Variants in FAM135A observed in about 807,000 individuals in gnomAD.
FAM135A encodes protein FAM135A.
Under a neutral mutation model 146.8 loss-of-function variants are expected in FAM135A, and 79 were observed. The observed-to-expected ratio is 0.54, with a 90% CI of 0.45 to 0.65. FAM135A has a LOEUF of 0.65. Among genes scored for constraint, FAM135A ranks in the 30% least tolerant of loss-of-function variants. The probability of loss-of-function intolerance (pLI) is 0.00; values close to 1 mark genes in which losing one functional copy is unlikely to be tolerated. For synonymous variants in FAM135A, 562 were observed against 603.6 expected, an observed-to-expected ratio of 0.93 and a Z score of 1.01; for missense variants, 1,623 against 1,758.2, an observed-to-expected ratio of 0.92 and a Z score of 1.38.
intron 2 of FAM135A, chr6:70,417,752 T>C (rs1340675228): frequency 2.7e-6 from 1 of 367,946 alleles, no homozygotes; most frequent in African/African-American, 2.2e-5. Flanking sequence ...TATAAATGTC[T>C]AAGCAGCAAG....
intron 5 of FAM135A, among the ~76,000 whole-genome samples, chr6:70,463,515 C>T (rs1779821219): frequency 6.6e-6 from 1 of 152,064 alleles, no homozygotes; most frequent in East Asian, 1.9e-4. Flanking sequence ...TCACCTCTGC[C>T]TCCCAAAGCG....
chr6:70,544,294 T>G (rs956976634), intron 20 of FAM135A, among the ~76,000 whole-genome samples: 1 of 151,796 alleles, frequency 6.6e-6, no homozygotes, highest in African/African-American at 2.4e-5. Context: ...ATCCCAGCAC[T>G]TTGGGAGGCT....
chr6:70,535,875 C>G (rs553187310), intron 18 of FAM135A: 5 of 154,654 alleles, frequency 3.2e-5, no homozygotes, highest in Admixed American at 2.0e-4. Context: ...TTTATAAATA[C>G]AATTTCATCA....
chr6:70,454,937 T>G (rs1777985525), intron 5 of FAM135A, among the ~76,000 whole-genome samples: 1 of 152,112 alleles, frequency 6.6e-6, no homozygotes, highest in African/African-American at 2.4e-5. Context: ...CCATATGAAT[T>G]TTAAAGTAGT....
chr6:70,512,807 T>G (rs1370761699), intron 12 of FAM135A, among the ~76,000 whole-genome samples: 3 of 151,844 alleles, frequency 2.0e-5, no homozygotes, highest in Non-Finnish European at 4.4e-5. Context: ...ACAATTTATC[T>G]TTTTTTCTTT....
At chr6:70,443,246 C>T (rs189616986) in intron 4 of FAM135A, among the ~76,000 whole-genome samples, 8 of 152,226 alleles carry the variant, frequency 5.3e-5, no homozygotes, top group Admixed American at 6.5e-5. Flanking sequence ...AGTGACAGAC[C>T]GCAAATATGA....
intron 2 of FAM135A, among the ~76,000 whole-genome samples, chr6:70,426,044 A>G (rs1319750288): frequency 6.6e-6 from 1 of 151,636 alleles, no homozygotes; most frequent in Non-Finnish European, 1.5e-5. Context: ...CGGAGCTTGC[A>G]GTGAGCCGAG....
chr6:70,536,157 T>G, intron 18 of FAM135A, 103 bp from the exon 19 acceptor site: 3 of 1,097,486 alleles, frequency 2.7e-6, no homozygotes, highest in Middle Eastern at 3.1e-4. Context: ...CATTAGAAAT[T>G]TTCAAATTGT....
intron 12 of FAM135A, among the ~76,000 whole-genome samples, chr6:70,517,184 T>G (rs1792464328): frequency 6.6e-6 from 1 of 152,172 alleles, no homozygotes; most frequent in Non-Finnish European, 1.5e-5. Context: ...ATAAACAATA[T>G]TTTATCACCT....
chr6:70,425,654 A>T (rs1181461512), intron 2 of FAM135A, among the ~76,000 whole-genome samples: 1 of 152,238 alleles, frequency 6.6e-6, no homozygotes, highest in Non-Finnish European at 1.5e-5. Context: ...AAATGTGAGG[A>T]AAACTATCCA....
intron 1 of FAM135A, 51 bp from the exon 2 acceptor site, chr6:70,415,240 G>A (rs908257645): frequency 6.6e-6 from 1 of 152,226 alleles, no homozygotes; most frequent in East Asian, 1.9e-4. Flanking sequence ...ATCTTATTTT[G>A]AAGGCATCTG....
intron 12 of FAM135A, among the ~76,000 whole-genome samples, chr6:70,512,770 C>G (rs796582567): frequency 6.6e-6 from 1 of 151,670 alleles, no homozygotes; most frequent in South Asian, 2.1e-4. Flanking sequence ...TTCGTTTTCT[C>G]AGTGATGTAT....
intron 4 of FAM135A, among the ~76,000 whole-genome samples, chr6:70,445,410 A>C (rs762305831): frequency 1.3e-5 from 2 of 152,218 alleles, no homozygotes; most frequent in Non-Finnish European, 2.9e-5. Context: ...AATTAAAGAC[A>C]CACACACAAA....
chr6:70,477,149 CT>C lies in FAM135A; in HGVS notation c.369-5del. 1 of 1,606,928 alleles carries C rather than the reference CT, an allele frequency of 6.2e-7. No homozygotes were observed. Among genetic ancestry groups the C allele is most frequent in the Non-Finnish European group, 8.5e-7 (1 of 1,176,416 alleles). ...TTTCATACTTACATGCTAAGTGTTC[CT>C]TTTTACAGGGCAGATGATCTGAATG... On this transcript the variant is annotated splice_polypyrimidine_tract_variant and intron_variant, in intron 7 of 21. Transcript: ENST00000418814.
chr6:70,540,635 A>G (rs9455154), intron 20 of FAM135A, among the ~76,000 whole-genome samples: 3,230 of 152,146 alleles, frequency 0.021, 110 homozygotes, highest in African/African-American at 0.074. Flanking sequence ...AATTCCTGCT[A>G]CATTTTCTTA....
intron 5 of FAM135A, among the ~76,000 whole-genome samples, chr6:70,456,371 CATT>C (rs1431684079): frequency 6.6e-6 from 1 of 152,160 alleles, no homozygotes; most frequent in Non-Finnish European, 1.5e-5. Context: ...CATTTTAAAT[CATT>C]GAGTTAATCA....
At chr6:70,464,112 A>T (rs907207221) in intron 5 of FAM135A, among the ~76,000 whole-genome samples, 1 of 152,248 alleles carries the variant, frequency 6.6e-6, no homozygotes, top group African/African-American at 2.4e-5. Flanking sequence ...TTGAATGAAT[A>T]GTCACTTGGT....
rs983749294 is a variant in FAM135A, at chr6:70,438,027, A to G, written c.77+9608A>G. On this transcript the variant is annotated intron_variant, in intron 4 of 21. Transcript: ENST00000418814. The stretch of plus-strand genomic sequence containing the variant: ...TTTTTTTACTGTCTGATAAAATGAG[A>G]GATTATATGTGGTTATTGGAAAAAA... Among the ~76,000 whole-genome samples, 4 of 152,288 alleles carry G rather than the reference A, an allele frequency of 2.6e-5. No homozygotes were observed. In the East Asian group the frequency reaches 7.7e-4, roughly 29 times the overall value.
chr6:70,527,742 C>T (rs1398657399), intron 15 of FAM135A, among the ~76,000 whole-genome samples: 1 of 152,128 alleles, frequency 6.6e-6, no homozygotes, highest in Non-Finnish European at 1.5e-5. Context: ...GTATATACCA[C>T]TAATTGTATG....
Sources: allele counts gnomAD v4.1 joint callset (sites outside exome capture counted in the v4.1 genomes callset), GRCh38; gene constraint gnomAD v4.1.1; transcripts MANE v1.5; gene names NCBI Gene and HGNC (gene_info 2026-07-23, HGNC 2026-07-21).